CLASP2: variants seen among roughly 807,000 people sequenced by gnomAD.
CLASP2 encodes CLIP-associating protein 2.
A neutral mutation model predicts 194.4 loss-of-function variants in CLASP2; 47 were observed. That is an observed-to-expected ratio of 0.24 (90% CI 0.19 to 0.31). The LOEUF (loss-of-function observed/expected upper bound fraction) is 0.31, where lower values mean the gene tolerates loss of function less well. CLASP2 is among the 10% of genes least tolerant of loss of function. The pLI is 1.00. For synonymous variants in CLASP2, 619 were observed against 633.5 expected, an observed-to-expected ratio of 0.98 and a Z score of 0.34; for missense variants, 1,445 against 1,823.6, an observed-to-expected ratio of 0.79 and a Z score of 3.78.
At chr3:33,691,035 G>A (rs976954034) in intron 2 of CLASP2, among the ~76,000 whole-genome samples, 1 of 152,096 alleles carries the variant, frequency 6.6e-6, no homozygotes, top group Non-Finnish European at 1.5e-5. Flanking sequence ...TTTGAGAATC[G>A]AATGCTGTGG....
chr3:33,561,286 T>C (rs570831212), intron 27 of CLASP2, among the ~76,000 whole-genome samples: 1 of 152,314 alleles, frequency 6.6e-6, no homozygotes, highest in African/African-American at 2.4e-5. Context: ...TAAAGTGAAA[T>C]CTGTTTTGTG....
intron 34 of CLASP2, among the ~76,000 whole-genome samples, chr3:33,518,913 G>A (rs1289200073): frequency 6.6e-6 from 1 of 152,180 alleles, no homozygotes; most frequent in Non-Finnish European, 1.5e-5. Context: ...TCTTCTGACA[G>A]AGAGCAGCAC....
chr3:33,586,590 A>G (rs1248663992), intron 21 of CLASP2, among the ~76,000 whole-genome samples: 2 of 152,190 alleles, frequency 1.3e-5, no homozygotes, highest in Non-Finnish European at 2.9e-5. Context: ...TTTTAAGGAG[A>G]TAAGCTCCCT....
At chr3:33,678,060 G>A (rs1249279148) in intron 6 of CLASP2, among the ~76,000 whole-genome samples, 1 of 151,260 alleles carries the variant, frequency 6.6e-6, no homozygotes, top group Non-Finnish European at 1.5e-5. Flanking sequence ...CTCCAAAACT[G>A]AAAAAGCAAA....
intron 34 of CLASP2, among the ~76,000 whole-genome samples, chr3:33,534,944 T>C (rs2057057570): frequency 6.6e-6 from 1 of 152,216 alleles, no homozygotes; most frequent in South Asian, 2.1e-4. Flanking sequence ...AAATTGTGTC[T>C]AGAGGTAAAG....
At chr3:33,513,836 A>G (rs2050564489) in intron 36 of CLASP2, among the ~76,000 whole-genome samples, 2 of 152,174 alleles carry the variant, frequency 1.3e-5, no homozygotes, top group South Asian at 2.1e-4. Context: ...AAACTGGGCC[A>G]TCTTTTCATT....
intron 32 of CLASP2, among the ~76,000 whole-genome samples, chr3:33,540,448 C>T (rs565206008): frequency 6.6e-6 from 1 of 151,662 alleles, no homozygotes; most frequent in Non-Finnish European, 1.5e-5. Flanking sequence ...CAATATGTTG[C>T]CCAGGTTTGT....
Position 33,503,615 on chromosome 3 carries a change from A to C in CLASP2, c.4318-1847T>G, listed in dbSNP as rs1187550590. 2.0e-5 allele frequency: 3 copies of C among 151,988 alleles called. No homozygotes were observed. The East Asian group carries it at 5.8e-4, about 29-fold the overall frequency. The allele number at this position is 151,988 out of a possible 1,614,324, so 9.4% of individuals were successfully genotyped here. A position where few individuals can be genotyped will look rare whatever the true frequency, so the allele number is the denominator to read the frequency against. ...GCTAATTTTTGTATTTTTGGTAGAG[A>C]TGGGGTTGCATCACGTTGGCCAGGC... On this transcript the variant is annotated intron_variant, in intron 37 of 38. Coordinates refer to ENST00000682230, the MANE Select transcript of CLASP2 (RefSeq NM_001365631.1).
At chr3:33,707,834 T>C (rs1014969021) in intron 1 of CLASP2, among the ~76,000 whole-genome samples, 1 of 152,180 alleles carries the variant, frequency 6.6e-6, no homozygotes, top group Non-Finnish European at 1.5e-5. Flanking sequence ...AAGAATTTTT[T>C]TAAATAGAGA....
intron 12 of CLASP2, among the ~76,000 whole-genome samples, chr3:33,617,538 C>CTA (rs1196432947): frequency 6.6e-6 from 1 of 151,996 alleles, no homozygotes; most frequent in East Asian, 1.9e-4. Context: ...GTTGTTTTAA[C>CTA]TATAACAAAA....
chr3:33,570,168 A>C (rs1160560180), intron 26 of CLASP2, among the ~76,000 whole-genome samples: 1 of 152,162 alleles, frequency 6.6e-6, no homozygotes, highest in African/African-American at 2.4e-5. Context: ...ACATATAAGT[A>C]CTTAAATAAA....
intron 23 of CLASP2, among the ~76,000 whole-genome samples, chr3:33,581,058 GAAA>G (rs977443856): frequency 4.9e-5 from 7 of 142,340 alleles, no homozygotes; most frequent in Non-Finnish European, 9.3e-5. Flanking sequence ...AGAAAAAGAA[GAAA>G]AAAAATCTAA....
chr3:33,595,494 G>C (rs1304890452), intron 19 of CLASP2, among the ~76,000 whole-genome samples: 2 of 151,980 alleles, frequency 1.3e-5, no homozygotes, highest in Admixed American at 1.3e-4. Context: ...CAATTCATTA[G>C]CTATTTATTC....
chr3:33,691,526 T>C lies in CLASP2; in HGVS notation c.275-1594A>G, dbSNP rs576629577. Among the ~76,000 whole-genome samples, 8 of 152,300 alleles carry C rather than the reference T, an allele frequency of 5.3e-5. No homozygotes were observed. In the South Asian group the frequency reaches 1.7e-3, roughly 32 times the overall value. On this transcript the variant is annotated intron_variant, in intron 2 of 38. Coordinates refer to ENST00000682230, the MANE Select transcript of CLASP2 (RefSeq NM_001365631.1). Reference sequence around the variant, plus strand: ...GAAATGATTGTGTAAGAAATCAATGTCCTCAACATAAGAATCATAAGTCTA... The same window carrying C: ...GAAATGATTGTGTAAGAAATCAATGCCCTCAACATAAGAATCATAAGTCTA...
At chr3:33,685,342 CAAAAAAAAAA>C (rs56240569) in intron 5 of CLASP2, among the ~76,000 whole-genome samples, 13 of 48,150 alleles carry the variant, frequency 2.7e-4, no homozygotes, top group South Asian at 2.1e-3. Context: ...AACTCCGTCT[CAAAAAAAAAA>C]AAAAAAAAAA....
chr3:33,510,376 T>C (rs995548898), intron 37 of CLASP2, among the ~76,000 whole-genome samples, 182 bp downstream of exon 37: 15 of 152,244 alleles, frequency 9.9e-5, no homozygotes, highest in African/African-American at 3.6e-4. Context: ...TTTTATGTTA[T>C]GTAAATTTTA....
At chr3:33,710,855 A>C (rs773007793) in intron 1 of CLASP2, among the ~76,000 whole-genome samples, 5 of 152,152 alleles carry the variant, frequency 3.3e-5, no homozygotes, top group Admixed American at 2.0e-4. Context: ...GAATCACTTG[A>C]ACCCGGGAGG....
intron 30 of CLASP2, among the ~76,000 whole-genome samples, chr3:33,549,347 T>C (rs1276306004): frequency 6.6e-6 from 1 of 152,234 alleles, no homozygotes; most frequent in African/African-American, 2.4e-5. Context: ...CTTTTTATTG[T>C]AGGCATTAAC....
chr3:33,592,224 T>C, intron 21 of CLASP2, 171 bp downstream of exon 21: 1 of 709,916 alleles, frequency 1.4e-6, no homozygotes, highest in Non-Finnish European at 2.6e-6. Context: ...TTCATTTTTG[T>C]CAGGTGATGA....
Sources: allele counts gnomAD v4.1 joint callset (sites outside exome capture counted in the v4.1 genomes callset), GRCh38; gene constraint gnomAD v4.1.1; transcripts MANE v1.5; gene names NCBI Gene and HGNC (gene_info 2026-07-23, HGNC 2026-07-21).